Variants in OSBPL10 observed in about 807,000 individuals in gnomAD.
OSBPL10 encodes the protein oxysterol-binding protein-related protein 10.
A neutral mutation model predicts 81.7 loss-of-function variants in OSBPL10; 49 were observed. The observed-to-expected ratio is 0.60, with a 90% confidence interval of 0.48 to 0.76. The LOEUF is 0.76. Among genes scored for constraint, OSBPL10 ranks in the 30% least tolerant of loss-of-function variants. The pLI is 0.00. For synonymous variants in OSBPL10, 419 were observed against 383.6 expected (o/e 1.09, Z -1.08); for missense variants, 923 against 987.8 (o/e 0.93, Z 0.88).
At chr3:31,739,753 A>C (rs1232386493) in intron 5 of OSBPL10, among the ~76,000 whole-genome samples, 1 of 152,212 alleles carries the variant, frequency 6.6e-6, no homozygotes. Flanking sequence ...CAAAACTGAG[A>C]AATTTTTGTT....
chr3:31,751,371 C>G (rs1259008468), intron 4 of OSBPL10, among the ~76,000 whole-genome samples: 2 of 135,544 alleles, frequency 1.5e-5, no homozygotes, highest in Non-Finnish European at 1.5e-5. Flanking sequence ...AACAAACAAA[C>G]AAACAAATAA....
At chr3:32,027,238 T>C (rs900325437) in intron 2 of OSBPL10, among the ~76,000 whole-genome samples, 1 of 152,154 alleles carries the variant, frequency 6.6e-6, no homozygotes, top group Non-Finnish European at 1.5e-5. Context: ...GTCCATGTGT[T>C]CTCACTGTTC....
At chr3:31,812,723 AAAGAAAGAAAGAAAGAAAGAAAG>A (rs1559476065) in intron 4 of OSBPL10, among the ~76,000 whole-genome samples, 2,055 of 39,212 alleles carry the variant, frequency 0.052, 375 homozygotes, top group South Asian at 0.087. Flanking sequence ...AAAAAAAAAG[AAAGAAAGAAAGAAAGAAAGAAAG>A]AAAGAAAGAA....
chr3:31,771,722 A>G (rs1163081779), intron 4 of OSBPL10, among the ~76,000 whole-genome samples: 1 of 152,242 alleles, frequency 6.6e-6, no homozygotes. Flanking sequence ...TCATGTCTTT[A>G]GATGAATGCA....
chr3:31,994,215 G>A (rs1348142274), intron 2 of OSBPL10, among the ~76,000 whole-genome samples: 1 of 152,170 alleles, frequency 6.6e-6, no homozygotes, highest in Non-Finnish European at 1.5e-5. Flanking sequence ...ATTGCCAAGA[G>A]TTAAGAGTGG....
chr3:32,008,289 A>G (rs1314855701), intron 2 of OSBPL10, among the ~76,000 whole-genome samples: 1 of 149,102 alleles, frequency 6.7e-6, no homozygotes, highest in Non-Finnish European at 1.5e-5. Context: ...AGTAGTTGGG[A>G]TTACAGGTGC....
intron 4 of OSBPL10, among the ~76,000 whole-genome samples, chr3:31,769,170 C>G (rs1231460768): frequency 6.6e-6 from 1 of 151,978 alleles, no homozygotes; most frequent in Non-Finnish European, 1.5e-5. Flanking sequence ...CGGCTGGGCA[C>G]GGTGGCTCAA....
At chr3:31,826,199 C>T (rs1351490308) in intron 4 of OSBPL10, among the ~76,000 whole-genome samples, 4 of 152,224 alleles carry the variant, frequency 2.6e-5, no homozygotes, top group Non-Finnish European at 5.9e-5. Context: ...TCTTACTATA[C>T]ATCACCAGAT....
chr3:31,729,565 C>T lies in OSBPL10; in HGVS notation c.1095+3692G>A, dbSNP rs150345539. ...GCTTCTTTGTAACTGGGATTACAGGCGCACGCCACCACGCCCAGCTCATTT... is the reference window on the plus strand; with the variant it reads ...GCTTCTTTGTAACTGGGATTACAGGTGCACGCCACCACGCCCAGCTCATTT... On this transcript the variant is annotated intron_variant, in intron 6 of 11. Transcript: ENST00000396556. Among the ~76,000 whole-genome samples the T allele has an allele frequency of 2.6e-5, 4 of 152,212 alleles. No homozygotes were observed. The South Asian group carries it at 6.2e-4, about 24-fold the overall frequency.
chr3:31,748,235 G>A (rs1332523611), intron 4 of OSBPL10, 115 bp from the exon 5 acceptor site: 10 of 868,556 alleles, frequency 1.2e-5, no homozygotes, highest in African/African-American at 3.3e-5. Flanking sequence ...AACTCAGCGT[G>A]TTCGGTGCAC....
intron 2 of OSBPL10, among the ~76,000 whole-genome samples, chr3:32,023,571 C>T (rs1249491588): frequency 1.3e-5 from 2 of 152,150 alleles, no homozygotes; most frequent in Non-Finnish European, 2.9e-5. Context: ...CATGCTTGGG[C>T]CACCCACAAG....
intron 1 of OSBPL10, among the ~76,000 whole-genome samples, chr3:32,051,546 A>G (rs72858426): frequency 0.02 from 3,060 of 152,314 alleles, 102 homozygotes; most frequent in African/African-American, 0.067. Flanking sequence ...TAAGACTCCT[A>G]TGGGAAATGG....
At chr3:31,961,718 A>G (rs1698169300) in intron 1 of OSBPL10, among the ~76,000 whole-genome samples, 1 of 152,006 alleles carries the variant, frequency 6.6e-6, no homozygotes, top group African/African-American at 2.4e-5. Context: ...CTCCCATCTC[A>G]GCCTCCTGAG....
intron 8 of OSBPL10, among the ~76,000 whole-genome samples, chr3:31,674,388 T>C (rs2125522734): frequency 6.6e-6 from 1 of 151,938 alleles, no homozygotes; most frequent in South Asian, 2.1e-4. Flanking sequence ...GCCTCATTTC[T>C]ATAAAAAAAT....
intron 4 of OSBPL10, among the ~76,000 whole-genome samples, chr3:31,812,843 A>AGAAC (rs1197225849): frequency 7.1e-6 from 1 of 140,752 alleles, no homozygotes; most frequent in East Asian, 2.4e-4. Flanking sequence ...AAAGAAAGAA[A>AGAAC]GAACGAACTT....
chr3:31,794,205 C>A lies in OSBPL10; in HGVS notation c.729+35835G>T, dbSNP rs890941637. On this transcript the variant is annotated intron_variant, in intron 4 of 11. Coordinates refer to ENST00000396556, the MANE Select transcript of OSBPL10 (RefSeq NM_017784.5). Reference sequence around the variant, plus strand: ...TGTTGTCCAGGTTGGAGTGCAATGGCACAATCTCACCTCACTGTAACCTCT... The same window carrying A: ...TGTTGTCCAGGTTGGAGTGCAATGGAACAATCTCACCTCACTGTAACCTCT... Among the ~76,000 whole-genome samples the A allele has an allele frequency of 2.6e-5, 4 of 152,246 alleles. No individual in the cohort carries two copies. The South Asian group carries it at 8.3e-4, about 32-fold the overall frequency.
chr3:31,818,513 G>A (rs1300457819), intron 4 of OSBPL10, among the ~76,000 whole-genome samples: 1 of 152,168 alleles, frequency 6.6e-6, no homozygotes, highest in African/African-American at 2.4e-5. Flanking sequence ...GAAGAACCCT[G>A]ACTAGCACAG....
At chr3:32,076,932 T>C (rs1264876798) in intron 1 of OSBPL10, among the ~76,000 whole-genome samples, 6 of 152,174 alleles carry the variant, frequency 3.9e-5, no homozygotes, top group Admixed American at 3.9e-4. Flanking sequence ...TATCCACTGA[T>C]ATTTTGCAAA....
intron 7 of OSBPL10, among the ~76,000 whole-genome samples, chr3:31,690,194 C>T (rs1457909391): frequency 6.6e-6 from 1 of 152,090 alleles, no homozygotes; most frequent in Non-Finnish European, 1.5e-5. Flanking sequence ...GGGCACACTT[C>T]CCCTTGCTGT....
Sources: gnomAD v4.1 joint callset for allele counts (sites outside exome capture counted in the v4.1 genomes callset) on GRCh38, gnomAD v4.1.1 for gene constraint, MANE v1.5 for transcripts, NCBI Gene and HGNC (gene_info 2026-07-23, HGNC 2026-07-21) for gene names.